VPS13B: variants seen among roughly 807,000 people sequenced by gnomAD.
VPS13B encodes intermembrane lipid transfer protein VPS13B.
VPS13B carries 285 observed loss-of-function variants against 426.4 expected under a neutral mutation model. The ratio of observed to expected loss-of-function variants is 0.67; its 90% CI spans 0.61 to 0.74. VPS13B has a LOEUF of 0.74. Ranked by LOEUF, VPS13B falls within the 30% of genes least tolerant of loss-of-function variation. The pLI, the probability that VPS13B is intolerant of heterozygous loss-of-function variation, is 0.00. For missense variants in VPS13B, 4,537 were observed against 4,782.6 expected, an observed-to-expected ratio of 0.95 and a Z score of 1.51; for synonymous variants, 1,676 against 1,676.4, an observed-to-expected ratio of 1.00 and a Z score of 0.01.
intron 17 of VPS13B, among the ~76,000 whole-genome samples, chr8:99,270,178 G>T (rs1160303496): frequency 4.2e-5 from 3 of 71,108 alleles, no homozygotes; most frequent in Non-Finnish European, 7.8e-5. Context: ...CTTGCTCGTT[G>T]CCCAGACTGG....
intron 33 of VPS13B, among the ~76,000 whole-genome samples, chr8:99,608,062 G>C (rs939360251): frequency 6.6e-6 from 1 of 151,592 alleles, no homozygotes; most frequent in Non-Finnish European, 1.5e-5. Flanking sequence ...AGAAGAGAGA[G>C]TATTTTAATA....
rs199901215 is a variant in VPS13B, at chr8:99,034,860, C to CGT, written c.148-3552_148-3551dup. Among the ~76,000 whole-genome samples the CGT allele has an allele frequency of 3.7e-3, 565 of 151,998 alleles. 1 individual carries two copies. Among genetic ancestry groups the CGT allele is most frequent in the Non-Finnish European group, 5.4e-3 (368 of 67,970 alleles). On this transcript the variant is annotated intron_variant, in intron 2 of 61. Transcript: ENST00000357162. ...CTTGAAGTCTTGTCGCATGCGCGCG[C>CGT]GTGTGTGTGTGTTCCTGTAGTAACA...
At chr8:99,703,350 T>C (rs2130210086) in intron 36 of VPS13B, among the ~76,000 whole-genome samples, 1 of 152,256 alleles carries the variant, frequency 6.6e-6, no homozygotes, top group South Asian at 2.1e-4. Flanking sequence ...GATACTGGTA[T>C]AGCAGTGACT....
At chr8:99,226,744 GA>G (rs901256203) in intron 17 of VPS13B, among the ~76,000 whole-genome samples, 21 of 152,188 alleles carry the variant, frequency 1.4e-4, no homozygotes, top group African/African-American at 4.8e-4. Flanking sequence ...TCTGTGTAAA[GA>G]AATTTTTTAA....
At chr8:99,777,037 C>T in intron 41 of VPS13B, 81 bp downstream of exon 41, 1 of 1,487,584 alleles carries the variant, frequency 6.7e-7, no homozygotes, top group Non-Finnish European at 9.4e-7. Context: ...GAGAAGTCAA[C>T]AATCTTAGAT....
At chr8:99,163,389 C>T (rs1249033412) in intron 15 of VPS13B, among the ~76,000 whole-genome samples, 3 of 152,216 alleles carry the variant, frequency 2.0e-5, no homozygotes, top group Admixed American at 6.5e-5. Flanking sequence ...AGTCCTGCAC[C>T]GTGCACTCGC....
intron 17 of VPS13B, among the ~76,000 whole-genome samples, chr8:99,269,539 A>G (rs190345054): frequency 2.0e-5 from 3 of 152,366 alleles, no homozygotes; most frequent in Admixed American, 6.5e-5. Context: ...TGGAACAATA[A>G]CTACAGTTAT....
chr8:99,620,928 G>A (rs2133892069), intron 33 of VPS13B, among the ~76,000 whole-genome samples: 1 of 146,312 alleles, frequency 6.8e-6, no homozygotes, highest in East Asian at 2.0e-4. Context: ...GGAGTTTGCA[G>A]TGAACTGAGA....
chr8:99,252,261 T>C (rs1023684580), intron 17 of VPS13B, among the ~76,000 whole-genome samples: 23 of 152,030 alleles, frequency 1.5e-4, no homozygotes, highest in African/African-American at 5.5e-4. Flanking sequence ...TGATACATTA[T>C]ATCTTCATTC....
intron 28 of VPS13B, among the ~76,000 whole-genome samples, chr8:99,510,679 T>A (rs987605183): frequency 6.6e-6 from 1 of 152,096 alleles, no homozygotes; most frequent in African/African-American, 2.4e-5. Context: ...TCTGGCTAAT[T>A]TTTTGTATTT....
chr8:99,352,299 A>G (rs1340074482), intron 19 of VPS13B, among the ~76,000 whole-genome samples: 1 of 152,210 alleles, frequency 6.6e-6, no homozygotes, highest in Non-Finnish European at 1.5e-5. Flanking sequence ...TACTGGTTGC[A>G]GGCAGGCATT....
chr8:99,183,564 T>A (rs1813061587), intron 16 of VPS13B, among the ~76,000 whole-genome samples: 1 of 152,156 alleles, frequency 6.6e-6, no homozygotes, highest in Admixed American at 6.5e-5. Flanking sequence ...TTGTGTAGCA[T>A]CGAATAGTAT....
chr8:99,229,858 C>T (rs1400244406), intron 17 of VPS13B, among the ~76,000 whole-genome samples: 1 of 152,128 alleles, frequency 6.6e-6, no homozygotes, highest in Non-Finnish European at 1.5e-5. Context: ...AGGAGTGATA[C>T]AGTTTGACTT....
intron 39 of VPS13B, among the ~76,000 whole-genome samples, chr8:99,722,937 T>G (rs1833190677): frequency 6.6e-6 from 1 of 152,240 alleles, no homozygotes; most frequent in Admixed American, 6.5e-5. Context: ...AGCTAGATAT[T>G]AACACATTTA....
At chr8:99,044,084 C>CTTTTTTTTTTTTTTTTTTTTTTTCT (rs5893476) in intron 3 of VPS13B, among the ~76,000 whole-genome samples, 1 of 98,932 alleles carries the variant, frequency 1.0e-5, no homozygotes, top group Non-Finnish European at 1.9e-5. Flanking sequence ...TTCTTTCTTT[C>CTTTTTTTTTTTTTTTTTTTTTTTCT]TTTTTTTTTT....
chr8:99,150,084 T>C (rs2132605162), intron 14 of VPS13B, among the ~76,000 whole-genome samples: 1 of 152,314 alleles, frequency 6.6e-6, no homozygotes, highest in Admixed American at 6.5e-5. Flanking sequence ...GCATTAACTT[T>C]ATTTTTGCTC....
chr8:99,824,798 A>G (rs1814577618), intron 51 of VPS13B, among the ~76,000 whole-genome samples: 1 of 151,198 alleles, frequency 6.6e-6, no homozygotes, highest in Middle Eastern at 3.4e-3. Flanking sequence ...TGATTGTTCA[A>G]CTCCCACTTA....
At chr8:99,656,722 A>G (rs952913755) in intron 34 of VPS13B, among the ~76,000 whole-genome samples, 1 of 152,198 alleles carries the variant, frequency 6.6e-6, no homozygotes, top group Non-Finnish European at 1.5e-5. Context: ...CCTTTCTGCT[A>G]CTACAGCTGC....
At chr8:99,374,449 A>G (rs1813364237) in intron 19 of VPS13B, among the ~76,000 whole-genome samples, 1 of 151,952 alleles carries the variant, frequency 6.6e-6, no homozygotes, top group African/African-American at 2.4e-5. Context: ...TTTGACATCT[A>G]TATTATTATT....
Sources: allele counts gnomAD v4.1 joint callset (sites outside exome capture counted in the v4.1 genomes callset), GRCh38; gene constraint gnomAD v4.1.1; transcripts MANE v1.5; gene names NCBI Gene and HGNC (gene_info 2026-07-23, HGNC 2026-07-21).